GRM5: variants seen among roughly 807,000 people sequenced by gnomAD.
GRM5 encodes the protein metabotropic glutamate receptor 5.
In GRM5, 19 loss-of-function variants were observed where a neutral mutation model predicts 83.1. That is an observed-to-expected ratio of 0.23 (90% confidence interval 0.16 to 0.34). GRM5 has a LOEUF of 0.34. Ranked by LOEUF, GRM5 falls within the 10% of genes least tolerant of loss-of-function variation. The pLI, the probability that GRM5 is intolerant of heterozygous loss-of-function variation, is 1.00. For missense variants in GRM5, 1,160 were observed against 1,588.3 expected, an observed-to-expected ratio of 0.73 and a Z score of 4.58; for synonymous variants, 675 against 633.6, an observed-to-expected ratio of 1.07 and a Z score of -0.98.
chr11:89,058,845 T>A (rs902443862), intron 1 of GRM5, among the ~76,000 whole-genome samples: 1 of 152,202 alleles, frequency 6.6e-6, no homozygotes. Context: ...GCAAAGTTTA[T>A]TATAATTTTA....
At chr11:89,015,372 G>A (rs910432920) in intron 2 of GRM5, among the ~76,000 whole-genome samples, 2 of 152,138 alleles carry the variant, frequency 1.3e-5, no homozygotes, top group Non-Finnish European at 2.9e-5. Context: ...GGTGGCACTC[G>A]CAGGGTATCT....
intron 8 of GRM5, among the ~76,000 whole-genome samples, chr11:88,543,046 C>A (rs534641427): frequency 6.6e-6 from 1 of 151,994 alleles, no homozygotes; most frequent in Admixed American, 6.6e-5. Context: ...CCAGCCTGGG[C>A]GACAGAACAA....
intron 3 of GRM5, among the ~76,000 whole-genome samples, chr11:88,789,358 AAAAAAAG>A (rs1445707303): frequency 2.6e-5 from 4 of 152,124 alleles, no homozygotes; most frequent in South Asian, 2.1e-4. Context: ...AAAGCAAAGA[AAAAAAAG>A]AAAAAAGAAA....
intron 3 of GRM5, among the ~76,000 whole-genome samples, chr11:88,829,196 C>T (rs1307984342): frequency 6.6e-6 from 1 of 152,132 alleles, no homozygotes; most frequent in Admixed American, 6.5e-5. Flanking sequence ...CTTGGTGGCT[C>T]ATGCCTATAA....
Position 88,799,673 on chromosome 11 carries a change from G to A in GRM5, c.911+50233C>T, listed in dbSNP as rs192821811. ...ATGCTTTCAGCCTAAGTTTAAATATGGATATATATGGCCCCCAGTCTCGAG... is the reference window on the plus strand; with the variant it reads ...ATGCTTTCAGCCTAAGTTTAAATATAGATATATATGGCCCCCAGTCTCGAG... On this transcript the variant is annotated intron_variant, in intron 3 of 9. Transcript: ENST00000305447. Among the ~76,000 whole-genome samples the A allele has an allele frequency of 3.3e-3, 501 of 152,136 alleles. 1 individual carries two copies. The highest frequency in any genetic ancestry group is 0.011 in the African/African-American group (477 of 41,542).
At chr11:88,972,523 G>T (rs1361686226) in intron 2 of GRM5, among the ~76,000 whole-genome samples, 2 of 152,014 alleles carry the variant, frequency 1.3e-5, no homozygotes, top group East Asian at 3.9e-4. Context: ...TAACATAAAT[G>T]GATACATATA....
At chr11:88,737,620 C>T (rs1941945752) in intron 3 of GRM5, among the ~76,000 whole-genome samples, 1 of 151,900 alleles carries the variant, frequency 6.6e-6, no homozygotes, top group Non-Finnish European at 1.5e-5. Context: ...ATGGAGACAA[C>T]AACAAAATAG....
intron 2 of GRM5, among the ~76,000 whole-genome samples, chr11:88,878,948 G>A (rs666229): frequency 0.3 from 45,380 of 151,874 alleles, 7,078 homozygotes; most frequent in South Asian, 0.52. Context: ...CACAAATTAC[G>A]TTTAGGCAAT....
intron 3 of GRM5, among the ~76,000 whole-genome samples, chr11:88,738,865 CT>C: frequency 6.6e-6 from 1 of 152,034 alleles, no homozygotes; most frequent in Non-Finnish European, 1.5e-5. Flanking sequence ...AGTCCTGAAC[CT>C]TTCATTGAAA....
chr11:88,533,140 C>G (rs1015369303), intron 8 of GRM5, among the ~76,000 whole-genome samples: 4 of 152,160 alleles, frequency 2.6e-5, no homozygotes, highest in Non-Finnish European at 4.4e-5. Context: ...ACCCATTTCT[C>G]TGAGTAAATT....
At chr11:88,714,533 A>G (rs533076386) in intron 3 of GRM5, among the ~76,000 whole-genome samples, 1 of 152,104 alleles carries the variant, frequency 6.6e-6, no homozygotes, top group South Asian at 2.1e-4. Flanking sequence ...GTATAACCAT[A>G]TAGTATTACA....
At chr11:89,049,261 C>T (rs899484056) in intron 1 of GRM5, among the ~76,000 whole-genome samples, 1 of 152,142 alleles carries the variant, frequency 6.6e-6, no homozygotes, top group African/African-American at 2.4e-5. Context: ...TGAATGTCAT[C>T]ATCTATTTCA....
chr11:89,056,781 T>C (rs901707482), intron 1 of GRM5, among the ~76,000 whole-genome samples: 1 of 152,162 alleles, frequency 6.6e-6, no homozygotes, highest in Non-Finnish European at 1.5e-5. Flanking sequence ...GTATTAATAG[T>C]TTGATTATAT....
At chr11:89,064,909 T>A (rs61903381) in intron 1 of GRM5, among the ~76,000 whole-genome samples, 2,714 of 55,348 alleles carry the variant, frequency 0.049, 76 homozygotes, top group Non-Finnish European at 0.079. Context: ...TGTGTGTGTG[T>A]GTGTGTGAGA....
At chr11:89,030,862 C>G (rs1941245237) in intron 2 of GRM5, among the ~76,000 whole-genome samples, 2 of 151,926 alleles carry the variant, frequency 1.3e-5, no homozygotes, top group Non-Finnish European at 2.9e-5. Flanking sequence ...ATTTGACTAA[C>G]TAGTCCATGG....
intron 2 of GRM5, among the ~76,000 whole-genome samples, chr11:88,906,465 G>T (rs534619434): frequency 1.3e-5 from 2 of 151,808 alleles, no homozygotes; most frequent in Non-Finnish European, 2.9e-5. Flanking sequence ...TACTTCATCT[G>T]GGAGAAAAAA....
chr11:88,619,824 A>C (rs1938584628), intron 4 of GRM5, among the ~76,000 whole-genome samples: 3 of 152,130 alleles, frequency 2.0e-5, no homozygotes, highest in Admixed American at 6.6e-5. Flanking sequence ...AAAAGGAAGG[A>C]AGATATAAGG....
intron 2 of GRM5, among the ~76,000 whole-genome samples, chr11:88,894,375 C>T (rs1409663874): frequency 6.6e-6 from 1 of 151,996 alleles, no homozygotes; most frequent in Non-Finnish European, 1.5e-5. Flanking sequence ...TCTCTTCTGC[C>T]TATTAAACCT....
intron 2 of GRM5, among the ~76,000 whole-genome samples, chr11:88,896,354 A>T (rs759185414): frequency 1.3e-5 from 2 of 151,960 alleles, no homozygotes; most frequent in African/African-American, 4.8e-5. Flanking sequence ...CCAAAGGAAG[A>T]TATGTAGAAA....
Sources: gnomAD v4.1 joint callset for allele counts (sites outside exome capture counted in the v4.1 genomes callset) on GRCh38, gnomAD v4.1.1 for gene constraint, MANE v1.5 for transcripts, NCBI Gene and HGNC (gene_info 2026-07-23, HGNC 2026-07-21) for gene names.